CCDC3: variants seen among roughly 807,000 people sequenced by gnomAD.
The protein encoded by CCDC3 is coiled-coil domain-containing protein 3.
Under a neutral mutation model 21.4 loss-of-function variants are expected in CCDC3, and 24 were observed. That is an observed-to-expected ratio of 1.12 (90% CI 0.81 to 1.58). The LOEUF is 1.58. Ranked by LOEUF, CCDC3 falls within the 40% of genes most tolerant of loss-of-function variation. The pLI is 0.00. For missense variants in CCDC3, 425 were observed against 360.9 expected, an observed-to-expected ratio of 1.18 and a Z score of -1.44; for synonymous variants, 186 against 166.0, an observed-to-expected ratio of 1.12 and a Z score of -0.93.
intron 5 of CCDC3, among the ~76,000 whole-genome samples, chr10:13,042,990 T>C (rs983804379): frequency 1.3e-5 from 2 of 152,006 alleles, no homozygotes; most frequent in African/African-American, 4.8e-5. Flanking sequence ...CAAATGTTCC[T>C]TCATAAGTTT....
At position 13,013,441 on chromosome 10, in the gene CCDC3, A is replaced by G. The variant is rs117379257; in HGVS notation, c.-1-14929T>C. 3.5e-3 allele frequency among the ~76,000 whole-genome samples: 536 copies of G among 152,392 alleles called. 22 individuals are homozygous for G. The East Asian group carries it at 0.081, about 23-fold the overall frequency. On this transcript the variant is annotated intron_variant, in intron 5 of 6. Transcript: ENST00000378839. The stretch of plus-strand genomic sequence containing the variant: ...AAATTAATAATGAATTATAACCCAT[A>G]GAATAAAATAGAAAACCATGAATCA...
At chr10:12,908,932 G>A (rs1048489551) in intron 2 of CCDC3, among the ~76,000 whole-genome samples, 1 of 152,178 alleles carries the variant, frequency 6.6e-6, no homozygotes, top group Admixed American at 6.5e-5. Context: ...TCCATGGTGA[G>A]TGCAGAGAAG....
At chr10:13,060,748 C>T (rs1836747164) in intron 4 of CCDC3, among the ~76,000 whole-genome samples, 1 of 152,148 alleles carries the variant, frequency 6.6e-6, no homozygotes, top group South Asian at 2.1e-4. Context: ...TCAAGCAGTC[C>T]TCCCTCTTCG....
At chr10:13,056,777 A>T (rs927208642) in intron 4 of CCDC3, among the ~76,000 whole-genome samples, 6 of 152,338 alleles carry the variant, frequency 3.9e-5, no homozygotes, top group Non-Finnish European at 7.3e-5. Context: ...TGGTAACCAT[A>T]GGAGATTAGA....
intron 1 of CCDC3, among the ~76,000 whole-genome samples, 173 bp from the exon 2 acceptor site, chr10:12,998,685 G>C (rs1335416058): frequency 6.6e-6 from 1 of 152,156 alleles, no homozygotes; most frequent in Non-Finnish European, 1.5e-5. Context: ...CGCTACATCA[G>C]TCTATCCTTA....
chr10:13,018,748 T>G (rs1230965701), intron 5 of CCDC3, among the ~76,000 whole-genome samples: 1 of 149,762 alleles, frequency 6.7e-6, no homozygotes, highest in African/African-American at 2.5e-5. Context: ...CTGGCCAATA[T>G]GGCGAAACCC....
intron 5 of CCDC3, among the ~76,000 whole-genome samples, chr10:13,021,181 T>C (rs938109509): frequency 6.6e-6 from 1 of 152,254 alleles, no homozygotes; most frequent in African/African-American, 2.4e-5. Flanking sequence ...TGCAGTTCTT[T>C]GAGGAAATAA....
At chr10:13,099,369 C>T (rs1322690914) in intron 1 of CCDC3, 1 of 148,146 alleles carries the variant, frequency 6.8e-6, no homozygotes, top group Non-Finnish European at 1.5e-5. Context: ...TCTCTCCCTC[C>T]CTCCCTCTCT....
At chr10:13,094,109 G>A (rs939444839) in intron 3 of CCDC3, among the ~76,000 whole-genome samples, 2 of 152,212 alleles carry the variant, frequency 1.3e-5, no homozygotes, top group African/African-American at 2.4e-5. Flanking sequence ...AAAGGCGGCA[G>A]GGATTAGACA....
chr10:13,086,386 T>G (rs1478378032), intron 3 of CCDC3, among the ~76,000 whole-genome samples: 1 of 152,246 alleles, frequency 6.6e-6, no homozygotes, highest in Admixed American at 6.5e-5. Flanking sequence ...CACATCAATA[T>G]TTAAGATTTA....
chr10:13,001,948 G>T (rs1021735438), upstream of CCDC3, among the ~76,000 whole-genome samples: 1 of 152,192 alleles, frequency 6.6e-6, no homozygotes, highest in Non-Finnish European at 1.5e-5. Flanking sequence ...CACGATGGAC[G>T]TGGTCCGAGC....
chr10:13,039,815 C>T (rs117615186), intron 5 of CCDC3, among the ~76,000 whole-genome samples: 2,495 of 151,556 alleles, frequency 0.016, 29 homozygotes, highest in Non-Finnish European at 0.025. Context: ...CTTGGAAATG[C>T]GGGAGAGGTG....
intron 5 of CCDC3, among the ~76,000 whole-genome samples, chr10:13,048,105 T>C (rs573245369): frequency 2.0e-5 from 3 of 152,358 alleles, no homozygotes; most frequent in African/African-American, 4.8e-5. Context: ...ATTTTATCCA[T>C]AGCTATCTTA....
At chr10:12,981,451 G>C (rs571075035) in intron 2 of CCDC3, among the ~76,000 whole-genome samples, 1 of 152,220 alleles carries the variant, frequency 6.6e-6, no homozygotes, top group Admixed American at 6.5e-5. Context: ...CTCCCAAAGT[G>C]CTGGGTTTAC....
At chr10:12,924,669 T>C (rs1834505391) in intron 2 of CCDC3, 1 of 152,214 alleles carries the variant, frequency 6.6e-6, no homozygotes, top group African/African-American at 2.4e-5. Context: ...GCTTTCCAAC[T>C]GGAGTATCTG....
At chr10:12,955,765 C>T (rs1835073932) in intron 2 of CCDC3, among the ~76,000 whole-genome samples, 1 of 152,038 alleles carries the variant, frequency 6.6e-6, no homozygotes, top group South Asian at 2.1e-4. Flanking sequence ...TTTTTTGAGA[C>T]AGAGTCTCAC....
At chr10:13,032,109 C>T (rs1160045201) in intron 5 of CCDC3, among the ~76,000 whole-genome samples, 4 of 152,030 alleles carry the variant, frequency 2.6e-5, no homozygotes, top group African/African-American at 7.2e-5. Context: ...ACTGGCAAAC[C>T]GAACCCAGCA....
rs116844845 is a variant in CCDC3, at chr10:12,928,335, A to G, written c.550-29656T>C. 1.4e-3 allele frequency among the ~76,000 whole-genome samples: 219 copies of G among 152,336 alleles called. 2 individuals are homozygous for G. Among genetic ancestry groups the G allele is most frequent in the East Asian group, 5.4e-3 (28 of 5,190 alleles). On this transcript the variant is annotated intron_variant, in intron 2 of 2. Transcript: ENST00000378825. ...CAGGCACAAGAGAGAAGAATACAATAAAAAATGCAACAAAAGGAAAGAGAA... is the reference window on the plus strand; with the variant it reads ...CAGGCACAAGAGAGAAGAATACAATGAAAAATGCAACAAAAGGAAAGAGAA...
chr10:13,059,678 A>G (rs1836729858), intron 4 of CCDC3, among the ~76,000 whole-genome samples: 1 of 152,156 alleles, frequency 6.6e-6, no homozygotes, highest in African/African-American at 2.4e-5. Context: ...CTTCATGGCT[A>G]TGTGCTCTAA....
Sources: gnomAD v4.1 joint callset for allele counts (sites outside exome capture counted in the v4.1 genomes callset) on GRCh38, gnomAD v4.1.1 for gene constraint, MANE v1.5 for transcripts, NCBI Gene and HGNC (gene_info 2026-07-23, HGNC 2026-07-21) for gene names.